The following NRXN3 variants were observed in gnomAD, a reference collection of about 807,000 sequenced individuals.
NRXN3 encodes neurexin 3.
Under a neutral mutation model 137.6 loss-of-function variants are expected in NRXN3, and 32 were observed. That is an observed-to-expected ratio of 0.23 (90% CI 0.18 to 0.31). The LOEUF (loss-of-function observed/expected upper bound fraction) is 0.31, where lower values mean the gene tolerates loss of function less well. NRXN3 is among the 10% of genes least tolerant of loss of function. The pLI, the probability that NRXN3 is intolerant of heterozygous loss-of-function variation, is 1.00. For synonymous variants in NRXN3, 798 were observed against 784.5 expected, an observed-to-expected ratio of 1.02 and a Z score of -0.29; for missense variants, 1,574 against 2,062.5, an observed-to-expected ratio of 0.76 and a Z score of 4.59.
intron 4 of NRXN3, among the ~76,000 whole-genome samples, chr14:78,445,480 G>T (rs1598763350): frequency 6.6e-6 from 1 of 152,220 alleles, no homozygotes; most frequent in Admixed American, 6.5e-5. Context: ...CATTTCAGCA[G>T]GGTGCAGAAG....
intron 15 of NRXN3, among the ~76,000 whole-genome samples, chr14:79,253,780 A>G (rs1336013660): frequency 6.6e-6 from 1 of 152,168 alleles, no homozygotes; most frequent in Non-Finnish European, 1.5e-5. Context: ...AGCATGGGGG[A>G]AACCACCCCC....
chr14:78,536,724 A>G (rs1045532404), intron 4 of NRXN3, among the ~76,000 whole-genome samples: 2 of 151,808 alleles, frequency 1.3e-5, no homozygotes, highest in African/African-American at 4.8e-5. Flanking sequence ...CATCATTTAC[A>G]TTAGGTATTT....
chr14:79,517,974 C>T (rs1003664005), intron 16 of NRXN3, among the ~76,000 whole-genome samples: 21 of 129,538 alleles, frequency 1.6e-4, no homozygotes, highest in African/African-American at 3.0e-4. Flanking sequence ...GGTGCGATCT[C>T]GGTTCACTGC....
chr14:78,693,808 A>G (rs2098198297), intron 6 of NRXN3, among the ~76,000 whole-genome samples: 1 of 151,392 alleles, frequency 6.6e-6, no homozygotes, highest in South Asian at 2.1e-4. Context: ...AACCAGAGCG[A>G]TTTCCTAGTG....
At chr14:79,520,087 G>A (rs2097048068) in intron 16 of NRXN3, among the ~76,000 whole-genome samples, 1 of 151,846 alleles carries the variant, frequency 6.6e-6, no homozygotes, top group Non-Finnish European at 1.5e-5. Flanking sequence ...TTCATAACTA[G>A]TTATAATTCT....
At chr14:79,214,604 A>G (rs1183834439) in intron 15 of NRXN3, among the ~76,000 whole-genome samples, 2 of 152,178 alleles carry the variant, frequency 1.3e-5, no homozygotes, top group African/African-American at 4.8e-5. Context: ...ATCATTTGTC[A>G]ATTAAAACAA....
intron 2 of NRXN3, among the ~76,000 whole-genome samples, chr14:78,275,049 G>A (rs969995202): frequency 6.6e-6 from 1 of 152,188 alleles, no homozygotes; most frequent in African/African-American, 2.4e-5. Context: ...CCCTGCCTAA[G>A]TAGTCTTTGT....
intron 4 of NRXN3, among the ~76,000 whole-genome samples, chr14:78,301,040 T>C (rs747002292): frequency 6.6e-6 from 1 of 152,096 alleles, no homozygotes; most frequent in Non-Finnish European, 1.5e-5. Flanking sequence ...TTATGTATCA[T>C]TGTTGCTATT....
intron 1 of NRXN3, among the ~76,000 whole-genome samples, chr14:78,173,434 G>A (rs1215917300): frequency 6.6e-6 from 1 of 151,730 alleles, no homozygotes; most frequent in East Asian, 1.9e-4. Flanking sequence ...CGGAGAGATG[G>A]GGGACGGGTT....
At chr14:79,427,429 C>G (rs1225600601) in intron 15 of NRXN3, among the ~76,000 whole-genome samples, 1 of 151,606 alleles carries the variant, frequency 6.6e-6, no homozygotes, top group African/African-American at 2.4e-5. Flanking sequence ...GTCTCCTTAG[C>G]AAACACACAC....
At chr14:79,450,680 G>A (rs927760066) in intron 15 of NRXN3, among the ~76,000 whole-genome samples, 4 of 152,018 alleles carry the variant, frequency 2.6e-5, no homozygotes, top group South Asian at 2.1e-4. Context: ...CCAACATGGC[G>A]AAAATATAAA....
intron 6 of NRXN3, among the ~76,000 whole-genome samples, chr14:78,693,661 G>A (rs1456908525): frequency 2.7e-4 from 3 of 11,002 alleles, no homozygotes; most frequent in South Asian, 1.6e-3. Context: ...ATTTTCGTGT[G>A]TGTGTGTGTG....
In NRXN3 at chr14:78,780,813, G is replaced by A. The variant is rs551819121; in HGVS notation, c.2045-22807G>A. On this transcript the variant is annotated intron_variant, in intron 8 of 20. Coordinates refer to ENST00000335750, the MANE Select transcript of NRXN3 (RefSeq NM_001330195.2). Reference sequence around the variant, plus strand: ...TACCATTCTGACAGTATTAAGTGTTGGCAGGGAGGAGAACTAAGAGCTCTC... The same window carrying A: ...TACCATTCTGACAGTATTAAGTGTTAGCAGGGAGGAGAACTAAGAGCTCTC... 9.2e-5 allele frequency among the ~76,000 whole-genome samples: 14 copies of A among 152,268 alleles called. No individual in the cohort carries two copies. In the South Asian group the frequency reaches 1.9e-3, roughly 20 times the overall value.
chr14:79,847,562 T>C (rs917507231), intron 20 of NRXN3, among the ~76,000 whole-genome samples: 2 of 152,182 alleles, frequency 1.3e-5, no homozygotes, highest in Non-Finnish European at 2.9e-5. Flanking sequence ...TCCTAACTCA[T>C]GAAATCATGA....
intron 19 of NRXN3, among the ~76,000 whole-genome samples, chr14:79,717,829 G>T (rs2098828767): frequency 6.6e-6 from 1 of 152,070 alleles, no homozygotes; most frequent in African/African-American, 2.4e-5. Context: ...ATAAAATGAA[G>T]GGGTTTGACT....
intron 8 of NRXN3, among the ~76,000 whole-genome samples, chr14:78,766,455 C>T (rs918383835): frequency 1.3e-5 from 2 of 152,124 alleles, no homozygotes; most frequent in African/African-American, 2.4e-5. Flanking sequence ...ATATGTTTTC[C>T]CTCTCCACTG....
intron 19 of NRXN3, among the ~76,000 whole-genome samples, chr14:79,791,510 T>C (rs991681574): frequency 8.3e-6 from 1 of 120,054 alleles, no homozygotes; most frequent in African/African-American, 3.5e-5. Flanking sequence ...ATATTGTAAT[T>C]ATAATTAATT....
chr14:78,944,971 G>C (rs770450087), intron 10 of NRXN3, among the ~76,000 whole-genome samples: 3 of 152,180 alleles, frequency 2.0e-5, no homozygotes, highest in Non-Finnish European at 4.4e-5. Context: ...TTTTAAATGT[G>C]AGAACCACTG....
At chr14:79,300,387 G>C (rs1715256720) in intron 15 of NRXN3, among the ~76,000 whole-genome samples, 1 of 152,080 alleles carries the variant, frequency 6.6e-6, no homozygotes, top group Admixed American at 6.6e-5. Context: ...GATTCTGTGG[G>C]TCAGCAGTTT....
Sources: gnomAD v4.1 joint callset for allele counts (sites outside exome capture counted in the v4.1 genomes callset) on GRCh38, gnomAD v4.1.1 for gene constraint, MANE v1.5 for transcripts, NCBI Gene and HGNC (gene_info 2026-07-23, HGNC 2026-07-21) for gene names.